CBR4: variants seen among roughly 807,000 people sequenced by gnomAD.
The protein encoded by CBR4 is carbonyl reductase 4, also known as 3-oxoacyl-[acyl-carrier-protein] reductase.
CBR4 carries 22 observed loss-of-function variants against 21.0 expected under a neutral mutation model. The observed-to-expected ratio is 1.05, with a 90% CI of 0.75 to 1.50. The LOEUF (loss-of-function observed/expected upper bound fraction) is 1.50, where lower values mean the gene tolerates loss of function less well. Ranked by LOEUF, CBR4 falls within the 40% of genes most tolerant of loss-of-function variation. The pLI is 0.00. For synonymous variants in CBR4, 100 were observed against 104.4 expected, an observed-to-expected ratio of 0.96 and a Z score of 0.26; for missense variants, 302 against 286.3, an observed-to-expected ratio of 1.05 and a Z score of -0.40.
intron 2 of CBR4, among the ~76,000 whole-genome samples, chr4:168,949,069 G>A (rs189873967): frequency 6.6e-6 from 1 of 152,134 alleles, no homozygotes; most frequent in East Asian, 1.9e-4. Context: ...TTTCCTTGTA[G>A]AGGTCTTTAG....
chr4:168,933,713 T>C (rs1365062844), intron 2 of CBR4, among the ~76,000 whole-genome samples: 1 of 152,202 alleles, frequency 6.6e-6, no homozygotes, highest in East Asian at 1.9e-4. Flanking sequence ...AGAATACACA[T>C]TCTTTTTATC....
intron 4 of CBR4, among the ~76,000 whole-genome samples, chr4:168,997,047 C>A (rs946595770): frequency 1.3e-5 from 2 of 152,094 alleles, no homozygotes; most frequent in African/African-American, 4.8e-5. Context: ...AGGACTCTCC[C>A]CCATATCATT....
In CBR4 at chr4:169,002,168, G is replaced by A. The variant is rs767342584; in HGVS notation, c.438C>T (p.Ser146=). 2.6e-5 allele frequency: 40 copies of A among 1,538,340 alleles called. No individual in the cohort carries two copies. The highest frequency in any genetic ancestry group is 1.5e-4 in the East Asian group (6 of 40,942). The change falls in exon 4 of 5, where the codon TCC becomes TCT. Residue 146 remains serine, a synonymous_variant. Coordinates refer to ENST00000306193, the MANE Select transcript of CBR4 (RefSeq NM_032783.5). The stretch of plus-strand genomic sequence containing the variant: ...ATCCTCCTTTACTGGCACTGTAAAC[G>A]GACTGGCCAGAGTTGCCTTTTAAGC... ...IVGLKGNSGQ[S]VYSASKGGLV...
chr4:169,007,310 C>G (rs779599429), intron 2 of CBR4, among the ~76,000 whole-genome samples: 1 of 152,150 alleles, frequency 6.6e-6, no homozygotes, highest in Non-Finnish European at 1.5e-5. Flanking sequence ...AGTTCACAAA[C>G]TGGCAAAACT....
At chr4:168,957,430 C>T (rs765704959) in intron 2 of CBR4, among the ~76,000 whole-genome samples, 6 of 151,996 alleles carry the variant, frequency 3.9e-5, no homozygotes, top group Non-Finnish European at 8.8e-5. Flanking sequence ...TTTCCTCAAC[C>T]AAAATTCAGA....
chr4:168,940,532 A>T (rs1208390154), intron 2 of CBR4, among the ~76,000 whole-genome samples: 2 of 152,232 alleles, frequency 1.3e-5, no homozygotes, highest in African/African-American at 4.8e-5. Flanking sequence ...AATCTTTGCA[A>T]TCTACCCATC....
At chr4:168,997,516 C>T (rs1322423708) in intron 4 of CBR4, among the ~76,000 whole-genome samples, 1 of 152,094 alleles carries the variant, frequency 6.6e-6, no homozygotes, top group Non-Finnish European at 1.5e-5. Flanking sequence ...ATCGCTTGAA[C>T]CCAGAAGGTC....
intron 2 of CBR4, among the ~76,000 whole-genome samples, chr4:168,966,158 G>A (rs1764019218): frequency 6.6e-6 from 1 of 151,986 alleles, no homozygotes; most frequent in African/African-American, 2.4e-5. Flanking sequence ...CATCATCACT[G>A]GTCATCAGAG....
chr4:168,899,789 C>T (rs971813292), intron 2 of CBR4, among the ~76,000 whole-genome samples: 11 of 151,666 alleles, frequency 7.3e-5, no homozygotes, highest in African/African-American at 1.9e-4. Flanking sequence ...TGGTGGTGGG[C>T]GCCTGTAATC....
At chr4:169,000,157 T>C (rs1000385291) in intron 4 of CBR4, among the ~76,000 whole-genome samples, 1 of 152,220 alleles carries the variant, frequency 6.6e-6, no homozygotes, top group Non-Finnish European at 1.5e-5. Context: ...CCACAAATAA[T>C]TTATTCCACA....
chr4:168,902,932 C>A (rs551181797), intron 2 of CBR4, among the ~76,000 whole-genome samples: 3 of 152,092 alleles, frequency 2.0e-5, no homozygotes, highest in South Asian at 4.2e-4. Flanking sequence ...CCACCACACC[C>A]AGATAATTTT....
rs1764790014 is a variant in CBR4 at position 168,988,981 on chromosome 4, A to G, written c.*1169T>C. 4 of 983,446 alleles carry G rather than the reference A, an allele frequency of 4.1e-6. No individual in the cohort carries two copies. Among genetic ancestry groups the G allele is most frequent in the Non-Finnish European group, 4.8e-6 (4 of 828,114 alleles). 60.9% of individuals were successfully genotyped at this position (983,446 alleles called of 1,614,324 possible). A position where few individuals can be genotyped will look rare whatever the true frequency, so the allele number is the denominator to read the frequency against. ...ATATCATACTATTCCCGATAAAAAG[A>G]GTTTAATGCAAAATAATTATTACCT... On this transcript the variant is annotated 3_prime_UTR_variant, in exon 5 of 5. Coordinates refer to ENST00000306193, the MANE Select transcript of CBR4 (RefSeq NM_032783.5).
At chr4:168,923,551 C>T (rs145972440) in intron 2 of CBR4, among the ~76,000 whole-genome samples, 6 of 151,866 alleles carry the variant, frequency 4.0e-5, no homozygotes, top group African/African-American at 1.4e-4. Flanking sequence ...TATTAACAAT[C>T]AGTCCTGAAT....
At chr4:168,976,819 T>C (rs1045522700) in intron 2 of CBR4, among the ~76,000 whole-genome samples, 1 of 152,200 alleles carries the variant, frequency 6.6e-6, no homozygotes, top group Admixed American at 6.5e-5. Context: ...AATGGTGGAA[T>C]GTCATCAGTT....
intron 4 of CBR4, among the ~76,000 whole-genome samples, chr4:168,998,095 T>A (rs1386274862): frequency 6.6e-6 from 1 of 152,166 alleles, no homozygotes; most frequent in Non-Finnish European, 1.5e-5. Context: ...TTTCTCCAAG[T>A]AGTAAACATA....
At chr4:168,912,883 G>A (rs10009718) in intron 2 of CBR4, among the ~76,000 whole-genome samples, 2,541 of 151,878 alleles carry the variant, frequency 0.017, 61 homozygotes, top group African/African-American at 0.042. Flanking sequence ...CCACCACCCC[G>A]TCAAAATTTC....
At chr4:169,009,905 G>T in intron 1 of CBR4, 43 bp downstream of exon 1, 6 of 1,573,050 alleles carry the variant, frequency 3.8e-6, no homozygotes, top group Non-Finnish European at 4.3e-6. Context: ...TTAGGCGCCT[G>T]GACCGCGGCC....
chr4:168,986,091 C>CGG (rs974096075), downstream of CBR4, among the ~76,000 whole-genome samples: 4 of 149,556 alleles, frequency 2.7e-5, no homozygotes, highest in African/African-American at 4.9e-5. Context: ...AGAAAATATC[C>CGG]GGGGGGGGAA....
intron 2 of CBR4, among the ~76,000 whole-genome samples, chr4:168,981,542 A>T (rs1764547357): frequency 6.6e-6 from 1 of 152,242 alleles, no homozygotes; most frequent in Non-Finnish European, 1.5e-5. Context: ...AGCTCAAAGA[A>T]CAGTTCTTCA....
Sources: allele counts gnomAD v4.1 joint callset (sites outside exome capture counted in the v4.1 genomes callset), GRCh38; gene constraint gnomAD v4.1.1; transcripts MANE v1.5; gene names NCBI Gene and HGNC (gene_info 2026-07-23, HGNC 2026-07-21).